Variants in NPY4R2 observed in about 807,000 individuals in gnomAD.
NPY4R2 encodes neuropeptide Y receptor Y4-2, also known as neuropeptide Y receptor type 4-2.
For synonymous variants in NPY4R2, 6 were observed against 115.2 expected, an observed-to-expected ratio of 0.05 and a Z score of 6.07; for missense variants, 7 against 268.8, an observed-to-expected ratio of 0.03 and a Z score of 6.81.
chr10:47,923,275 TG>T (rs1840771251), exon 3 of NPY4R2: 2 of 117,796 alleles, frequency 1.7e-5, no homozygotes, highest in African/African-American at 1.9e-4. Context: ...TCGTGAAGAC[TG>T]GCATTTTGAT....
chr10:47,920,682 G>A (rs1224111248), intron 1 of NPY4R2, 56 bp from the exon 2 acceptor site: 1 of 117,502 alleles, frequency 8.5e-6, no homozygotes, highest in Admixed American at 9.2e-5. Flanking sequence ...TGTTTTACAA[G>A]ATGGGGTCCA....
At chr10:47,918,372 AGAGAGAG>A (rs1841687976), upstream of NPY4R2, among the ~76,000 whole-genome samples, 1 of 20,180 alleles carries the variant, frequency 5.0e-5, no homozygotes, top group African/African-American at 3.4e-4. Flanking sequence ...AGAGAGAGAG[AGAGAGAG>A]AGAGAGAAAG....
upstream of NPY4R2, among the ~76,000 whole-genome samples, chr10:47,918,371 GAGAGAGAGAGAGAGAAAGAA>G (rs1456956597): frequency 1.1e-4 from 2 of 18,838 alleles, 1 homozygote; most frequent in Non-Finnish European, 1.9e-4. Flanking sequence ...GAGAGAGAGA[GAGAGAGAGAGAGAGAAAGAA>G]AGAAAGAAAG....
exon 2 of NPY4R2, chr10:47,920,776 C>T (rs1213838470): frequency 6.7e-6 from 1 of 149,488 alleles, no homozygotes; most frequent in East Asian, 2.0e-4. Flanking sequence ...AACTACATCT[C>T]CTGGTGGAAG....
chr10:47,918,383 G>GAGAAAGAA (rs1227500817), upstream of NPY4R2, among the ~76,000 whole-genome samples: 1,000 of 10,498 alleles, frequency 0.095, 246 homozygotes, highest in Middle Eastern at 0.2. Flanking sequence ...GAGAGAGAGA[G>GAGAAAGAA]AGAAAGAAAG....
chr10:47,916,244 C>A (rs1841661755), upstream of NPY4R2, among the ~76,000 whole-genome samples: 1 of 119,854 alleles, frequency 8.3e-6, no homozygotes, highest in Admixed American at 8.3e-5. Flanking sequence ...TGCTCCGGAC[C>A]CTGGACTCCA....
chr10:47,916,620 A>T (rs7098243), upstream of NPY4R2, among the ~76,000 whole-genome samples: 1 of 135,474 alleles, frequency 7.4e-6, no homozygotes, highest in African/African-American at 2.5e-5. Context: ...CCAGTTAGGC[A>T]TGAGGATGGA....
At chr10:47,918,378 A>G (rs148792037), upstream of NPY4R2, among the ~76,000 whole-genome samples, 10 of 16,814 alleles carry the variant, frequency 5.9e-4, 2 homozygotes, top group Non-Finnish European at 1.1e-3. Context: ...AGAGAGAGAG[A>G]GAGAGAGAAA....
At chr10:47,918,371 G>GAAA (rs1554991285), upstream of NPY4R2, among the ~76,000 whole-genome samples, 9 of 18,788 alleles carry the variant, frequency 4.8e-4, no homozygotes, top group African/African-American at 1.8e-3. Flanking sequence ...GAGAGAGAGA[G>GAAA]AGAGAGAGAG....
chr10:47,918,372 AG>A (rs1554991280), upstream of NPY4R2, among the ~76,000 whole-genome samples: 89 of 20,112 alleles, frequency 4.4e-3, 1 homozygote, highest in African/African-American at 0.021. Flanking sequence ...AGAGAGAGAG[AG>A]AGAGAGAGAG....
upstream of NPY4R2, among the ~76,000 whole-genome samples, chr10:47,918,435 G>T (rs1335509630): frequency 2.9e-5 from 1 of 35,076 alleles, no homozygotes; most frequent in Non-Finnish European, 5.9e-5. Flanking sequence ...GAAAGAAAGA[G>T]AGAGAGAAAG....
intron 1 of NPY4R2, among the ~76,000 whole-genome samples, chr10:47,920,282 G>A (rs1198977356): frequency 2.2e-5 from 2 of 89,774 alleles, no homozygotes; most frequent in Non-Finnish European, 4.3e-5. Flanking sequence ...TGTTGCCCAG[G>A]CTGGAGTGCA....
At chr10:47,918,421 G>GAAAGAAAGAA (rs1841695779), upstream of NPY4R2, among the ~76,000 whole-genome samples, 3 of 34,850 alleles carry the variant, frequency 8.6e-5, no homozygotes, top group East Asian at 1.1e-3. Flanking sequence ...AAGAAAGAAA[G>GAAAGAAAGAA]AAAGAAAGAA....
At chr10:47,918,376 AGAG>A (rs1841688956), upstream of NPY4R2, among the ~76,000 whole-genome samples, 4 of 17,710 alleles carry the variant, frequency 2.3e-4, no homozygotes, top group African/African-American at 8.9e-4. Flanking sequence ...AGAGAGAGAG[AGAG>A]AGAGAGAAAG....
upstream of NPY4R2, among the ~76,000 whole-genome samples, chr10:47,918,353 G>A (rs1554991308): frequency 1.5e-4 from 3 of 19,600 alleles, no homozygotes; most frequent in East Asian, 1.7e-3. Flanking sequence ...GAGGGGGAGG[G>A]AGGGAGAGAG....
At chr10:47,918,372 AGAGAGAGAG>A (rs144356420), upstream of NPY4R2, among the ~76,000 whole-genome samples, 11 of 20,178 alleles carry the variant, frequency 5.5e-4, no homozygotes, top group African/African-American at 2.7e-3. Context: ...AGAGAGAGAG[AGAGAGAGAG>A]AGAGAAAGAA....
At chr10:47,918,383 G>GAGAAAGAGAGAAAGAA (rs1841690392), upstream of NPY4R2, among the ~76,000 whole-genome samples, 1 of 10,506 alleles carries the variant, frequency 9.5e-5, no homozygotes, top group Non-Finnish European at 1.6e-4. Context: ...GAGAGAGAGA[G>GAGAAAGAGAGAAAGAA]AGAAAGAAAG....
intron 1 of NPY4R2, among the ~76,000 whole-genome samples, chr10:47,920,267 C>T (rs1840948401): frequency 2.2e-5 from 2 of 92,562 alleles, no homozygotes; most frequent in African/African-American, 5.5e-5. Flanking sequence ...GACAGAGTCT[C>T]GCTCTGTTGC....
chr10:47,918,425 G>GAAAGAA (rs1565913042), upstream of NPY4R2, among the ~76,000 whole-genome samples: 1 of 34,806 alleles, frequency 2.9e-5, no homozygotes, highest in East Asian at 4.4e-4. Flanking sequence ...AAGAAAGAAA[G>GAAAGAA]AAAGAAAGAG....
Sources: allele counts gnomAD v4.1 joint callset (sites outside exome capture counted in the v4.1 genomes callset), GRCh38; gene constraint gnomAD v4.1.1; transcripts MANE v1.5; gene names NCBI Gene and HGNC (gene_info 2026-07-23, HGNC 2026-07-21).